LUZP2: variants seen among roughly 807,000 people sequenced by gnomAD.
LUZP2 encodes the protein leucine zipper protein 2.
LUZP2 carries 52 observed loss-of-function variants against 51.6 expected under a neutral mutation model. The ratio of observed to expected loss-of-function variants is 1.01; its 90% confidence interval spans 0.81 to 1.27. The LOEUF is 1.27. Ranked by LOEUF, LUZP2 falls within the 50% of genes most tolerant of loss-of-function variation. The pLI is 0.00. For missense variants in LUZP2, 436 were observed against 395.4 expected, an observed-to-expected ratio of 1.10 and a Z score of -0.87; for synonymous variants, 154 against 137.3, an observed-to-expected ratio of 1.12 and a Z score of -0.85.
intron 1 of LUZP2, among the ~76,000 whole-genome samples, chr11:24,508,420 G>A (rs1447082179): frequency 1.3e-5 from 2 of 152,106 alleles, no homozygotes; most frequent in African/African-American, 4.8e-5. Context: ...TTTCTTTAAA[G>A]TTCTAACTAA....
intron 5 of LUZP2, among the ~76,000 whole-genome samples, chr11:24,848,002 A>T (rs2134214684): frequency 6.6e-6 from 1 of 152,264 alleles, no homozygotes; most frequent in South Asian, 2.1e-4. Flanking sequence ...AGAATCATTT[A>T]AGATCACTTT....
At chr11:24,760,922 G>T (rs996259280) in intron 4 of LUZP2, among the ~76,000 whole-genome samples, 1 of 152,172 alleles carries the variant, frequency 6.6e-6, no homozygotes, top group African/African-American at 2.4e-5. Flanking sequence ...ACTTAACACA[G>T]TCTTAATAAT....
intron 11 of LUZP2, 127 bp downstream of exon 11, chr11:25,077,533 T>A (rs931707164): frequency 1.5e-5 from 4 of 270,972 alleles, no homozygotes; most frequent in African/African-American, 4.6e-5. Flanking sequence ...AGAGTCTTGC[T>A]CTATCTCCCA....
chr11:24,836,357 G>C (rs1421762972), intron 5 of LUZP2, among the ~76,000 whole-genome samples: 4 of 151,750 alleles, frequency 2.6e-5, no homozygotes, highest in Non-Finnish European at 5.9e-5. Flanking sequence ...GGATTTAAAG[G>C]AATATTAAAT....
intron 7 of LUZP2, among the ~76,000 whole-genome samples, chr11:24,919,662 A>G (rs936384283): frequency 3.4e-5 from 5 of 149,100 alleles, no homozygotes; most frequent in African/African-American, 9.7e-5. Flanking sequence ...TTATACATGC[A>G]TACATATATA....
At chr11:24,545,268 A>G (rs1851504124) in intron 1 of LUZP2, among the ~76,000 whole-genome samples, 1 of 151,554 alleles carries the variant, frequency 6.6e-6, no homozygotes, top group Non-Finnish European at 1.5e-5. Context: ...GCTGTGCAGA[A>G]GCTGTTTAAT....
chr11:24,514,512 G>A lies in LUZP2; in HGVS notation c.62+17207G>A, dbSNP rs75628056. Among the ~76,000 whole-genome samples the A allele has an allele frequency of 8.9e-4, 136 of 152,188 alleles. 2 individuals carry two copies. In the East Asian group the frequency reaches 0.022, roughly 25 times the overall value. On this transcript the variant is annotated intron_variant, in intron 1 of 11. Coordinates refer to ENST00000336930, the MANE Select transcript of LUZP2 (RefSeq NM_001009909.4). ...TTAAGGGAAAACACATAATAAGATC[G>A]TGCCTCTCCTTCTATCAAGCCCACT...
At chr11:24,722,187 A>G (rs1288267489) in intron 1 of LUZP2, among the ~76,000 whole-genome samples, 1 of 152,258 alleles carries the variant, frequency 6.6e-6, no homozygotes, top group African/African-American at 2.4e-5. Flanking sequence ...TCTTAAACTA[A>G]GTCTAAAAAG....
rs571836888 is a variant in LUZP2, at chr11:24,856,814, A to G, written c.397-49177A>G. 2.5e-4 allele frequency among the ~76,000 whole-genome samples: 38 copies of G among 152,228 alleles called. No individual in the cohort carries two copies. In the East Asian group the frequency reaches 7.0e-3, roughly 28 times the overall value. ...AGCAACATTAATGGAACTAGAGGCC[A>G]TTATCTTACCTGAAATAAGTCAGAA... On this transcript the variant is annotated intron_variant, in intron 5 of 11. Coordinates refer to ENST00000336930, the MANE Select transcript of LUZP2 (RefSeq NM_001009909.4).
intron 4 of LUZP2, among the ~76,000 whole-genome samples, chr11:24,757,530 G>A (rs1043350016): frequency 6.6e-6 from 1 of 151,966 alleles, no homozygotes; most frequent in Non-Finnish European, 1.5e-5. Context: ...ATGAAAGATA[G>A]ATGACATTAA....
intron 7 of LUZP2, among the ~76,000 whole-genome samples, chr11:24,944,341 T>A (rs1854842806): frequency 6.6e-6 from 1 of 152,180 alleles, no homozygotes; most frequent in Non-Finnish European, 1.5e-5. Context: ...GTTAAGGCAT[T>A]CTGACTCTAG....
intron 7 of LUZP2, among the ~76,000 whole-genome samples, chr11:24,975,294 G>A (rs1855854821): frequency 6.6e-6 from 1 of 151,990 alleles, no homozygotes; most frequent in Admixed American, 6.6e-5. Context: ...AATGAATGTT[G>A]ACACCTAATA....
intron 3 of LUZP2, among the ~76,000 whole-genome samples, chr11:24,735,881 AG>A (rs1435226610): frequency 6.6e-6 from 1 of 151,972 alleles, no homozygotes; most frequent in Non-Finnish European, 1.5e-5. Flanking sequence ...TGCAGAGGCA[AG>A]TCAGGAATCA....
chr11:24,829,171 AAAATG>A (rs1850624944), intron 5 of LUZP2, among the ~76,000 whole-genome samples: 1 of 152,202 alleles, frequency 6.6e-6, no homozygotes, highest in Non-Finnish European at 1.5e-5. Context: ...AGAACAAACA[AAAATG>A]AAATGAAGAA....
intron 1 of LUZP2, among the ~76,000 whole-genome samples, chr11:24,624,927 G>T (rs532135627): frequency 6.6e-6 from 1 of 152,086 alleles, no homozygotes; most frequent in East Asian, 1.9e-4. Context: ...AAAGATCAAA[G>T]ATAGGAGGAT....
At chr11:24,583,964 G>A (rs1446530959) in intron 1 of LUZP2, among the ~76,000 whole-genome samples, 6 of 151,652 alleles carry the variant, frequency 4.0e-5, no homozygotes, top group Non-Finnish European at 8.8e-5. Flanking sequence ...CGCCGGTCTC[G>A]GCCTCCCAAA....
rs1042574003 is a variant in LUZP2 at position 24,518,157 on chromosome 11, T to C, written c.62+20852T>C. ...AACAAATAAAAAATTAGTTCTTAAG[T>C]GTTAGGTATGACCTCATTTAATTAA... On this transcript the variant is annotated intron_variant, in intron 1 of 11. Coordinates refer to ENST00000336930, the MANE Select transcript of LUZP2 (RefSeq NM_001009909.4). Among the ~76,000 whole-genome samples the C allele has an allele frequency of 2.6e-5, 4 of 152,280 alleles. No homozygotes were observed. In the South Asian group the frequency reaches 8.3e-4, roughly 32 times the overall value.
chr11:24,695,938 A>C (rs1160557183), intron 1 of LUZP2, among the ~76,000 whole-genome samples: 1 of 152,066 alleles, frequency 6.6e-6, no homozygotes, highest in African/African-American at 2.4e-5. Context: ...AAGGCATTTA[A>C]GATAGAAGGA....
chr11:24,558,462 G>A (rs1349878120), intron 1 of LUZP2, among the ~76,000 whole-genome samples: 1 of 3,540 alleles, frequency 2.8e-4, no homozygotes, highest in Admixed American at 3.1e-3. Context: ...TTAAACATTT[G>A]TGAAAAAAAA....
Sources: gnomAD v4.1 joint callset for allele counts (sites outside exome capture counted in the v4.1 genomes callset) on GRCh38, gnomAD v4.1.1 for gene constraint, MANE v1.5 for transcripts, NCBI Gene and HGNC (gene_info 2026-07-23, HGNC 2026-07-21) for gene names.